Variants in CHN2 observed in about 807,000 individuals in gnomAD.
CHN2 encodes the protein beta-chimaerin.
Under a neutral mutation model 56.3 loss-of-function variants are expected in CHN2, and 35 were observed. The observed-to-expected ratio is 0.62, with a 90% CI of 0.47 to 0.82. The LOEUF (loss-of-function observed/expected upper bound fraction) is 0.82, where lower values mean the gene tolerates loss of function less well. Among genes scored for constraint, CHN2 ranks in the 40% least tolerant of loss-of-function variants. CHN2 has a pLI of 0.00. For missense variants in CHN2, 491 were observed against 580.5 expected (o/e 0.85, Z 1.58); for synonymous variants, 210 against 212.8 (o/e 0.99, Z 0.12).
intron 3 of CHN2, among the ~76,000 whole-genome samples, chr7:29,383,958 C>T (rs1002991473): frequency 4.6e-5 from 7 of 152,126 alleles, no homozygotes; most frequent in African/African-American, 1.4e-4. Flanking sequence ...AGAAAGGGAC[C>T]GTTTTAAGAG....
chr7:29,332,745 A>G (rs1796320315), intron 1 of CHN2, among the ~76,000 whole-genome samples: 1 of 152,112 alleles, frequency 6.6e-6, no homozygotes, highest in Non-Finnish European at 1.5e-5. Context: ...ATTTTGCCCC[A>G]CTGTAGGCTA....
chr7:29,212,409 T>C, intron 1 of CHN2: 1 of 1,607,310 alleles, frequency 6.2e-7, no homozygotes, highest in Non-Finnish European at 8.5e-7. Flanking sequence ...AAACTATCCA[T>C]CCTTGCAAAT....
intron 1 of CHN2, among the ~76,000 whole-genome samples, chr7:29,347,609 C>T (rs1797557036): frequency 6.6e-6 from 1 of 152,144 alleles, no homozygotes; most frequent in Non-Finnish European, 1.5e-5. Flanking sequence ...GAAACCACCC[C>T]CATGATCCAA....
intron 3 of CHN2, among the ~76,000 whole-genome samples, chr7:29,382,206 C>T (rs17157845): frequency 0.021 from 3,239 of 152,274 alleles, 105 homozygotes; most frequent in African/African-American, 0.07. Context: ...TGAATCAACT[C>T]TTAACAGTTT....
intron 1 of CHN2, among the ~76,000 whole-genome samples, chr7:29,323,155 C>CT (rs1338934624): frequency 1.3e-5 from 2 of 151,040 alleles, no homozygotes; most frequent in African/African-American, 4.9e-5. Context: ...ATCCGTCCCC[C>CT]CCGTTCCCCC....
intron 6 of CHN2, among the ~76,000 whole-genome samples, chr7:29,467,819 T>C (rs1319248088): frequency 6.6e-6 from 1 of 152,188 alleles, no homozygotes; most frequent in African/African-American, 2.4e-5. Flanking sequence ...ATAGGATGGT[T>C]GTGCAGATAA....
chr7:29,423,759 C>CGAA (rs1385787574), intron 6 of CHN2, among the ~76,000 whole-genome samples: 1 of 152,242 alleles, frequency 6.6e-6, no homozygotes, highest in Admixed American at 6.5e-5. Context: ...CCCACTTCCC[C>CGAA]CTGGGCTTAC....
At chr7:29,454,101 T>C (rs1413940090) in intron 6 of CHN2, among the ~76,000 whole-genome samples, 1 of 152,194 alleles carries the variant, frequency 6.6e-6, no homozygotes, top group Non-Finnish European at 1.5e-5. Context: ...CTCTGAGAGC[T>C]TAATGGTGCC....
At chr7:29,271,895 C>A in intron 1 of CHN2, among the ~76,000 whole-genome samples, 1 of 152,154 alleles carries the variant, frequency 6.6e-6, no homozygotes, top group East Asian at 1.9e-4. Context: ...TCCTCCCCAC[C>A]AACACTTCAT....
intron 1 of CHN2, among the ~76,000 whole-genome samples, chr7:29,210,862 C>T (rs1225881887): frequency 2.0e-5 from 3 of 151,918 alleles, no homozygotes; most frequent in African/African-American, 4.8e-5. Context: ...AGTCCCAATG[C>T]GAGAGTGTAC....
intron 1 of CHN2, among the ~76,000 whole-genome samples, chr7:29,195,629 A>AGAGAGTGTGTGTGTGTGTGT (rs869037854): frequency 1.7e-5 from 2 of 117,504 alleles, no homozygotes; most frequent in African/African-American, 7.2e-5. Flanking sequence ...AGAGAGAGAG[A>AGAGAGTGTGTGTGTGTGTGT]GTGTGTGTGT....
At chr7:29,164,367 G>T (rs1795618668) in intron 2 of CHN2, among the ~76,000 whole-genome samples, 1 of 151,988 alleles carries the variant, frequency 6.6e-6, no homozygotes, top group African/African-American at 2.4e-5. Context: ...AGTTGTAAGG[G>T]TTTATTTTAT....
At chr7:29,475,238 A>C (rs938603770) in intron 6 of CHN2, among the ~76,000 whole-genome samples, 3 of 152,200 alleles carry the variant, frequency 2.0e-5, no homozygotes, top group Non-Finnish European at 4.4e-5. Flanking sequence ...TCATCAAAAA[A>C]AGAAGAAAAA....
At chr7:29,432,401 T>G (rs1395357516) in intron 6 of CHN2, among the ~76,000 whole-genome samples, 1 of 152,222 alleles carries the variant, frequency 6.6e-6, no homozygotes, top group African/African-American at 2.4e-5. Context: ...TTGTTTGCTA[T>G]TCTCTTCCTG....
At chr7:29,207,609 G>A (rs963492303) in intron 1 of CHN2, among the ~76,000 whole-genome samples, 2 of 152,142 alleles carry the variant, frequency 1.3e-5, no homozygotes, top group Non-Finnish European at 2.9e-5. Context: ...CTATGGCCTC[G>A]AAGTAGAGTG....
upstream of CHN2, among the ~76,000 whole-genome samples, chr7:29,190,936 C>CTT (rs796284400): frequency 5.7e-3 from 825 of 144,950 alleles, 8 homozygotes; most frequent in African/African-American, 0.02. Flanking sequence ...CCCCACCATG[C>CTT]TTTTTTTTTT....
chr7:29,427,856 C>T (rs540992352), intron 6 of CHN2, among the ~76,000 whole-genome samples: 7 of 152,010 alleles, frequency 4.6e-5, no homozygotes, highest in South Asian at 4.2e-4. Flanking sequence ...AGGGTTTCAC[C>T]GTGTTGGCCA....
exon 1 of CHN2, chr7:29,146,726 A>ATCG: frequency 1.9e-6 from 3 of 1,550,562 alleles, no homozygotes; most frequent in Middle Eastern, 3.3e-4. Flanking sequence ...AATGAAGAGC[A>ATCG]TCGGCGGGGT....
intron 3 of CHN2, among the ~76,000 whole-genome samples, chr7:29,389,858 A>AGTT (rs1305905829): frequency 1.1e-4 from 17 of 151,862 alleles, no homozygotes; most frequent in Non-Finnish European, 2.4e-4. Context: ...GTTCGAGACC[A>AGTT]GCCTGGGCAA....
Sources: gnomAD v4.1 joint callset for allele counts (sites outside exome capture counted in the v4.1 genomes callset) on GRCh38, gnomAD v4.1.1 for gene constraint, MANE v1.5 for transcripts, NCBI Gene and HGNC (gene_info 2026-07-23, HGNC 2026-07-21) for gene names.